TYW5: variants seen among roughly 807,000 people sequenced by gnomAD.
TYW5 encodes the protein tRNA-yW synthesizing protein 5.
Under a neutral mutation model 44.4 loss-of-function variants are expected in TYW5, and 36 were observed. That is an observed-to-expected ratio of 0.81 (90% CI 0.62 to 1.07). The LOEUF is 1.07. Ranked by LOEUF, TYW5 falls within the 50% of genes least tolerant of loss-of-function variation. TYW5 has a pLI of 0.00. For synonymous variants in TYW5, 121 were observed against 128.1 expected (o/e 0.94, Z 0.37); for missense variants, 354 against 365.7 (o/e 0.97, Z 0.26).
At chr2:199,950,631 C>A (rs923954315) in intron 1 of TYW5, among the ~76,000 whole-genome samples, 5 of 151,996 alleles carry the variant, frequency 3.3e-5, no homozygotes, top group Non-Finnish European at 5.9e-5. Context: ...TGAGTGAGTG[C>A]ATGTGGGTCT....
rs1298486702 is a variant in TYW5, at chr2:199,940,104, T to C, written c.333A>G (p.Gly111=). The C allele has an allele frequency of 2.5e-6, 4 of 1,612,644 alleles. No homozygotes were observed. The African/African-American group carries it at 4.0e-5, about 16-fold the overall frequency. ...GAATTCTTACCTTTCTAGGGTCTTC[T>C]CCAAGTGACCGTAAGTAGTATTTCT... ...EDEKYYLRSL[G]EDPRKDVADI... The change falls in exon 4 of 8, where the codon GGA becomes GGG. Residue 111 remains glycine (G), a synonymous_variant. Coordinates refer to ENST00000354611, the MANE Select transcript of TYW5 (RefSeq NM_001039693.3).
At chr2:199,955,216 C>CCCT in intron 1 of TYW5, 177 bp downstream of exon 1, 1 of 601,270 alleles carries the variant, frequency 1.7e-6, no homozygotes, top group East Asian at 2.9e-5. Context: ...AATAGAGGAG[C>CCCT]CAGTCGGCGT....
At chr2:199,955,302 G>T in intron 1 of TYW5, 91 bp downstream of exon 1, 2 of 1,435,558 alleles carry the variant, frequency 1.4e-6, no homozygotes, top group African/African-American at 1.4e-5. Flanking sequence ...CCCACACCCT[G>T]GGTCTCTAAA....
chr2:199,942,914 A>C (rs1191303221), intron 3 of TYW5: 1 of 151,844 alleles, frequency 6.6e-6, no homozygotes, highest in Admixed American at 6.6e-5. Context: ...CTAGAGTGCA[A>C]TGGCGCAATC....
chr2:199,951,874 G>A (rs62180463), intron 1 of TYW5, among the ~76,000 whole-genome samples: 5,453 of 152,092 alleles, frequency 0.036, 140 homozygotes, highest in Non-Finnish European at 0.054. Flanking sequence ...AAAATTAGCC[G>A]GGTGTGGTGG....
chr2:199,949,568 T>C (rs1479760433), intron 1 of TYW5, among the ~76,000 whole-genome samples: 1 of 152,224 alleles, frequency 6.6e-6, no homozygotes, highest in Non-Finnish European at 1.5e-5. Context: ...CTTTACCTTC[T>C]ATGACTTTGA....
chr2:199,939,878 A>G (rs748320994), intron 4 of TYW5, among the ~76,000 whole-genome samples: 12 of 152,192 alleles, frequency 7.9e-5, no homozygotes, highest in Non-Finnish European at 1.0e-4. Context: ...ATGACTATAA[A>G]CACTAAGATT....
chr2:199,940,499 T>C (rs1413415815), intron 3 of TYW5, among the ~76,000 whole-genome samples: 1 of 151,704 alleles, frequency 6.6e-6, no homozygotes. Context: ...AAAAATTAGC[T>C]GGGCATGGTG....
chr2:199,932,794 T>C lies in TYW5; in HGVS notation c.*273A>G, dbSNP rs776547763. The stretch of plus-strand genomic sequence containing the variant: ...GAAACACTGCAGCACATTCTGTCAA[T>C]AGATTTCATGTATTGTGAATCAATA... On this transcript the variant is annotated 3_prime_UTR_variant, in exon 8 of 8. Coordinates refer to ENST00000354611, the MANE Select transcript of TYW5 (RefSeq NM_001039693.3). 1.7e-4 allele frequency: 65 copies of C among 389,164 alleles called. No individual in the cohort carries two copies. Among genetic ancestry groups the C allele is most frequent in the Middle Eastern group, 7.3e-4 (1 of 1,368 alleles). 24.1% of individuals were successfully genotyped at this position (389,164 alleles called of 1,614,324 possible).
At chr2:199,936,876 T>C (rs922809482) in intron 5 of TYW5, among the ~76,000 whole-genome samples, 2 of 152,178 alleles carry the variant, frequency 1.3e-5, no homozygotes, top group African/African-American at 4.8e-5. Context: ...AAAAATCAGA[T>C]GCTAGGAAAA....
At chr2:199,953,043 T>C (rs1009909490) in intron 1 of TYW5, among the ~76,000 whole-genome samples, 5 of 152,208 alleles carry the variant, frequency 3.3e-5, no homozygotes, top group African/African-American at 1.2e-4. Flanking sequence ...TGTGCCAGGC[T>C]GGGCGCGGTG....
intron 2 of TYW5, chr2:199,946,921 A>T (rs1008171216): frequency 6.6e-6 from 1 of 152,228 alleles, no homozygotes; most frequent in Non-Finnish European, 1.5e-5. Flanking sequence ...ATGACAAAAC[A>T]TCAAGGCAAT....
chr2:199,941,397 A>G (rs1258014784), intron 3 of TYW5, among the ~76,000 whole-genome samples: 1 of 152,234 alleles, frequency 6.6e-6, no homozygotes, highest in Non-Finnish European at 1.5e-5. Context: ...ATTATAAAAC[A>G]TTCACTGTTA....
chr2:199,939,944 CA>C (rs2077451152), intron 4 of TYW5, 144 bp downstream of exon 4: 1 of 785,102 alleles, frequency 1.3e-6, no homozygotes, highest in Admixed American at 2.6e-5. Context: ...ACTTCTTATT[CA>C]GGGGCACAAA....
At chr2:199,938,648 T>C (rs1445615794) in intron 5 of TYW5, among the ~76,000 whole-genome samples, 1 of 152,084 alleles carries the variant, frequency 6.6e-6, no homozygotes, top group Non-Finnish European at 1.5e-5. Context: ...TGGCCATTTT[T>C]CACATGGAAA....
chr2:199,935,824 A>G, intron 7 of TYW5, 107 bp downstream of exon 7: 1 of 725,656 alleles, frequency 1.4e-6, no homozygotes, highest in African/African-American at 1.8e-5. Context: ...AGGACCGGAT[A>G]CATATAACAA....
At position 199,931,969 on chromosome 2, in the gene TYW5, G is replaced by A. The variant is rs2077381463; in HGVS notation, c.*1098C>T. 6.6e-6 allele frequency: 1 copy of A among 152,086 alleles called. No individual in the cohort carries two copies. The highest frequency in any genetic ancestry group is 2.1e-4 in the South Asian group (1 of 4,826). The allele number at this position is 152,086 out of a possible 1,614,324, so 9.4% of individuals were successfully genotyped here. ...AATTTTTCTTTTAAAAAAGGGATAG[G>A]TGGAAAAAATAGTTGGGAAATCTTT... On this transcript the variant is annotated 3_prime_UTR_variant, in exon 8 of 8. Transcript: ENST00000354611.
chr2:199,936,358 G>A (rs756578682), intron 6 of TYW5, 47 bp downstream of exon 6: 1 of 1,475,266 alleles, frequency 6.8e-7, no homozygotes, highest in Non-Finnish European at 9.3e-7. Context: ...CTCAAAAAGA[G>A]TAACTGAATA....
At chr2:199,934,585 C>A (rs1040213570) in intron 7 of TYW5, among the ~76,000 whole-genome samples, 2 of 151,874 alleles carry the variant, frequency 1.3e-5, no homozygotes, top group African/African-American at 2.4e-5. Flanking sequence ...CAAAGATGAA[C>A]AAAACATAGT....
Sources: gnomAD v4.1 joint callset for allele counts (sites outside exome capture counted in the v4.1 genomes callset) on GRCh38, gnomAD v4.1.1 for gene constraint, MANE v1.5 for transcripts, NCBI Gene and HGNC (gene_info 2026-07-23, HGNC 2026-07-21) for gene names.